The following ENY2 variants were observed in gnomAD, a reference collection of about 807,000 sequenced individuals.
The protein encoded by ENY2 is ENY2 transcription and export complex 2 subunit.
ENY2 carries 4 observed loss-of-function variants against 15.9 expected under a neutral mutation model. The ratio of observed to expected loss-of-function variants is 0.25; its 90% CI spans 0.12 to 0.57. ENY2 has a LOEUF of 0.57. ENY2 is among the 20% of genes least tolerant of loss of function. ENY2 has a pLI of 0.91. For missense variants in ENY2, 54 were observed against 117.2 expected, an observed-to-expected ratio of 0.46 and a Z score of 2.49; for synonymous variants, 48 against 38.0, an observed-to-expected ratio of 1.26 and a Z score of -0.97.
chr8:109,340,340 T>C, intron 3 of ENY2, 149 bp from the exon 4 acceptor site: 1 of 1,113,818 alleles, frequency 9.0e-7, no homozygotes, highest in Non-Finnish European at 1.3e-6. Context: ...ACTTGATGTG[T>C]TTGTAAGGTT....
rs749160278 is a variant in ENY2 at position 109,339,379 on chromosome 8, C to G, written c.143C>G (p.Ala48Gly). ...IECGWKDQLKAHCKEVIKEKG... is the reference protein window; with the variant it reads ...IECGWKDQLKGHCKEVIKEKG... The stretch of plus-strand genomic sequence containing the variant: ...TGTGGCTGGAAGGATCAGTTGAAGG[C>G]ACACTGTAAAGGTAATCAGTTTCAT... The change falls in exon 3 of 5, where the codon GCA (alanine) becomes GGA (glycine). Residue 48 changes from alanine (A) to glycine (G), a missense_variant. Ala to Gly is a moderately conservative substitution (Grantham distance 60, BLOSUM62 0). Transcript: ENST00000521688. The G allele has an allele frequency of 1.2e-6, 2 of 1,613,558 alleles. No individual in the cohort carries two copies. Among genetic ancestry groups the G allele is most frequent in the African/African-American group, 2.7e-5 (2 of 74,908 alleles).
chr8:109,342,666 C>G, intron 4 of ENY2: 1 of 695,236 alleles, frequency 1.4e-6, no homozygotes, highest in Non-Finnish European at 2.6e-6. Context: ...CACCACCATG[C>G]TCCACTAATT....
In ENY2 at chr8:109,345,069, GC is replaced by G. The variant is rs35908724; in HGVS notation, c.*1593del. On this transcript the variant is annotated 3_prime_UTR_variant, in exon 5 of 5. Coordinates refer to ENST00000521688, the MANE Select transcript of ENY2 (RefSeq NM_020189.6). ...TCCGTAAGTACCTTTGAACCCAGAA[GC>G]CCCCTTTCTCATATGTTTCTCATTC... 1 of 152,150 alleles carries G rather than the reference GC, an allele frequency of 6.6e-6. No homozygotes were observed. The highest frequency in any genetic ancestry group is 1.5e-5 in the Non-Finnish European group (1 of 68,050). The allele number at this position is 152,150 out of a possible 1,614,324, so 9.4% of individuals were successfully genotyped here. A position where few individuals can be genotyped will look rare whatever the true frequency, so the allele number is the denominator to read the frequency against.
chr8:109,343,772 G>A lies in ENY2; in HGVS notation c.*291G>A, dbSNP rs193078391. On this transcript the variant is annotated 3_prime_UTR_variant, in exon 5 of 5. Transcript: ENST00000521688. ...TTAATGTAGTTTAAGTATTTAGTAT[G>A]TACAGTTCTCTGTGTTAACAGCTGA... 6.3e-4 allele frequency: 171 copies of A among 272,734 alleles called. No individual in the cohort carries two copies. The highest frequency in any genetic ancestry group is 3.5e-3 in the African/African-American group (158 of 44,834). 16.9% of individuals were successfully genotyped at this position (272,734 alleles called of 1,614,324 possible).
chr8:109,341,869 A>C (rs902485361), intron 4 of ENY2, among the ~76,000 whole-genome samples: 5 of 152,094 alleles, frequency 3.3e-5, no homozygotes, highest in Non-Finnish European at 5.9e-5. Flanking sequence ...AACCTCCCTC[A>C]TGGTATTCCT....
rs1429382449 is a variant in ENY2, at chr8:109,344,236, A to C, written c.*755A>C. On this transcript the variant is annotated 3_prime_UTR_variant, in exon 5 of 5. Transcript: ENST00000521688. ...AATGTTGACCATCCTGCCACTTGGAACTCTCTTCCCACTCCTCACATTGCT... is the reference window on the plus strand; with the variant it reads ...AATGTTGACCATCCTGCCACTTGGACCTCTCTTCCCACTCCTCACATTGCT... 6.6e-6 allele frequency: 1 copy of C among 151,828 alleles called. No homozygotes were observed. The highest frequency in any genetic ancestry group is 2.4e-5 in the African/African-American group (1 of 41,266). The allele number at this position is 151,828 out of a possible 1,614,324, so 9.4% of individuals were successfully genotyped here.
rs1416336043 is a variant in ENY2, at chr8:109,345,163, C to T, written c.*1682C>T. 2 of 152,162 alleles carry T rather than the reference C, an allele frequency of 1.3e-5. No individual in the cohort carries two copies. The highest frequency in any genetic ancestry group is 3.9e-4 in the East Asian group (2 of 5,188). The allele number at this position is 152,162 out of a possible 1,614,324, so 9.4% of individuals were successfully genotyped here. A position where few individuals can be genotyped will look rare whatever the true frequency, so the allele number is the denominator to read the frequency against. ...AGACATCCCTCTGACTTAGATCCCCCACTACTGTTTTTCTGTGAGAAGCAG... is the reference window on the plus strand; with the variant it reads ...AGACATCCCTCTGACTTAGATCCCCTACTACTGTTTTTCTGTGAGAAGCAG... On this transcript the variant is annotated 3_prime_UTR_variant, in exon 5 of 5. Transcript: ENST00000521688.
intron 2 of ENY2, among the ~76,000 whole-genome samples, chr8:109,337,720 G>C (rs1816019805): frequency 6.6e-6 from 1 of 152,180 alleles, no homozygotes; most frequent in Admixed American, 6.5e-5. Flanking sequence ...TGGCTAACAT[G>C]GTGAAACCCC....
At chr8:109,341,006 C>T (rs1043912365) in intron 4 of ENY2, among the ~76,000 whole-genome samples, 2 of 152,108 alleles carry the variant, frequency 1.3e-5, no homozygotes, top group African/African-American at 4.8e-5. Context: ...AATTTGGTAG[C>T]TCCATGACTT....
At chr8:109,339,246 T>C (rs1416109473) in intron 2 of ENY2, 74 bp from the exon 3 acceptor site, 1 of 1,425,240 alleles carries the variant, frequency 7.0e-7, no homozygotes, top group Admixed American at 1.8e-5. Flanking sequence ...AGTTGAACAC[T>C]GAAACTTTGC....
At chr8:109,334,621 C>A in intron 1 of ENY2, 147 bp downstream of exon 1, 1 of 900,738 alleles carries the variant, frequency 1.1e-6, no homozygotes, top group African/African-American at 1.7e-5. Context: ...TGGCCTGAAA[C>A]CAGTCCTCGC....
chr8:109,340,301 A>ACAACTTTTATCTTT (rs765945787), intron 3 of ENY2, 188 bp from the exon 4 acceptor site: 38 of 735,732 alleles, frequency 5.2e-5, no homozygotes, highest in Non-Finnish European at 7.2e-5. Context: ...AGACTTACGA[A>ACAACTTTTATCTTT]CAACTTTTAT....
rs897341314 is a variant in ENY2 at position 109,343,726 on chromosome 8, A to C, written c.*245A>C. ...TTTGTCTTTATTACTAATTCACCAA[A>C]TTTGTTGAGCGCAAAAGCAATTAAT... On this transcript the variant is annotated 3_prime_UTR_variant, in exon 5 of 5. Coordinates refer to ENST00000521688, the MANE Select transcript of ENY2 (RefSeq NM_020189.6). The C allele has an allele frequency of 2.4e-6, 1 of 424,370 alleles. No homozygotes were observed. Among genetic ancestry groups the C allele is most frequent in the African/African-American group, 2.1e-5 (1 of 48,386 alleles). The allele number at this position is 424,370 out of a possible 1,614,324, so 26.3% of individuals were successfully genotyped here.
At chr8:109,341,810 T>C (rs1816118585) in intron 4 of ENY2, among the ~76,000 whole-genome samples, 1 of 152,194 alleles carries the variant, frequency 6.6e-6, no homozygotes, top group South Asian at 2.1e-4. Context: ...TATAGGTTCG[T>C]GTAGCTACCA....
intron 2 of ENY2, among the ~76,000 whole-genome samples, chr8:109,337,153 A>G (rs1816003650): frequency 6.6e-6 from 1 of 151,640 alleles, no homozygotes; most frequent in South Asian, 2.1e-4. Flanking sequence ...TTGGACTTGA[A>G]GGGGACAAGA....
At chr8:109,334,550 AGCGTCCCCGACCCGCGCTC>A in intron 1 of ENY2, 76 bp downstream of exon 1, 1 of 1,523,508 alleles carries the variant, frequency 6.6e-7, no homozygotes, top group Non-Finnish European at 8.8e-7. Flanking sequence ...GTCTTTCGTT[AGCGTCCCCGACCCGCGCTC>A]GCGGGCCTGT....
chr8:109,339,254 T>G (rs1816063800), intron 2 of ENY2, 66 bp from the exon 3 acceptor site: 1 of 1,466,210 alleles, frequency 6.8e-7, no homozygotes, highest in African/African-American at 1.4e-5. Context: ...ACTGAAACTT[T>G]GCTTCATACA....
chr8:109,340,262 C>A, intron 3 of ENY2: 1 of 517,432 alleles, frequency 1.9e-6, no homozygotes, highest in Non-Finnish European at 3.4e-6. Flanking sequence ...GTAAGTGTCA[C>A]AATTATTTAG....
rs1816197418 is a variant in ENY2 at position 109,344,688 on chromosome 8, T to A, written c.*1207T>A. 6.6e-6 allele frequency: 1 copy of A among 152,266 alleles called. No individual in the cohort carries two copies. The highest frequency in any genetic ancestry group is 2.4e-5 in the African/African-American group (1 of 41,474). 9.4% of individuals were successfully genotyped at this position (152,266 alleles called of 1,614,324 possible). A position where few individuals can be genotyped will look rare whatever the true frequency, so the allele number is the denominator to read the frequency against. On this transcript the variant is annotated 3_prime_UTR_variant, in exon 5 of 5. Coordinates refer to ENST00000521688, the MANE Select transcript of ENY2 (RefSeq NM_020189.6). ...GATAAGGGGCATGGCTTTAAGATTC[T>A]GTATTTCTGGCGAGTACCCAACTGG...
Sources: allele counts gnomAD v4.1 joint callset (sites outside exome capture counted in the v4.1 genomes callset), GRCh38; gene constraint gnomAD v4.1.1; transcripts MANE v1.5; gene names NCBI Gene and HGNC (gene_info 2026-07-23, HGNC 2026-07-21).